The following SLC12A2 variants were observed in gnomAD, a reference collection of about 807,000 sequenced individuals.
The protein encoded by SLC12A2 is Na-K-2Cl cotransporter 1.
In SLC12A2, 67 loss-of-function variants were observed where a neutral mutation model predicts 136.3. That is an observed-to-expected ratio of 0.49 (90% CI 0.40 to 0.60). The LOEUF is 0.60. Ranked by LOEUF, SLC12A2 falls within the 20% of genes least tolerant of loss-of-function variation. The pLI is 0.00. For missense variants in SLC12A2, 1,322 were observed against 1,534.7 expected (o/e 0.86, Z 2.32); for synonymous variants, 619 against 562.9 (o/e 1.10, Z -1.41).
chr5:128,164,653 G>T (rs1763145493), intron 17 of SLC12A2, among the ~76,000 whole-genome samples: 1 of 152,016 alleles, frequency 6.6e-6, no homozygotes, highest in Non-Finnish European at 1.5e-5. Context: ...AAAGAATTTT[G>T]TACATTAATT....
At chr5:128,088,546 G>GA (rs1420854892) in intron 1 of SLC12A2, among the ~76,000 whole-genome samples, 2 of 147,316 alleles carry the variant, frequency 1.4e-5, no homozygotes, top group African/African-American at 2.4e-5. Context: ...GTAGTTTTTT[G>GA]TTTTTGTTTG....
chr5:128,145,901 A>G (rs1226943240), intron 10 of SLC12A2, among the ~76,000 whole-genome samples: 2 of 152,044 alleles, frequency 1.3e-5, no homozygotes, highest in Non-Finnish European at 2.9e-5. Context: ...ATCTCCACCA[A>G]TGAAGCAGAG....
chr5:128,120,938 C>T (rs908654446), intron 4 of SLC12A2, among the ~76,000 whole-genome samples: 1 of 152,050 alleles, frequency 6.6e-6, no homozygotes, highest in African/African-American at 2.4e-5. Flanking sequence ...TGATTCTTAA[C>T]TGAATTATAA....
intron 9 of SLC12A2, among the ~76,000 whole-genome samples, chr5:128,139,549 A>G (rs1762293894): frequency 6.6e-6 from 1 of 152,214 alleles, no homozygotes; most frequent in Non-Finnish European, 1.5e-5. Context: ...AGATGAGAGG[A>G]TAGAAGTTCC....
intron 26 of SLC12A2, among the ~76,000 whole-genome samples, chr5:128,185,744 G>A (rs951618553): frequency 6.6e-6 from 1 of 152,092 alleles, no homozygotes; most frequent in Non-Finnish European, 1.5e-5. Context: ...TCACCTAAAA[G>A]AATTCTATTC....
intron 4 of SLC12A2, among the ~76,000 whole-genome samples, chr5:128,124,623 C>T (rs764553400): frequency 1.2e-4 from 19 of 152,166 alleles, no homozygotes; most frequent in Non-Finnish European, 2.4e-4. Context: ...CTCCAAGTGC[C>T]ATCCTCCTGG....
chr5:128,099,733 G>A (rs989535887), intron 1 of SLC12A2, among the ~76,000 whole-genome samples: 1 of 152,022 alleles, frequency 6.6e-6, no homozygotes, highest in Non-Finnish European at 1.5e-5. Flanking sequence ...TAAAAAGGAA[G>A]ACACAAGCAC....
chr5:128,169,876 G>C (rs1763316475), intron 18 of SLC12A2: 1 of 152,188 alleles, frequency 6.6e-6, no homozygotes, highest in African/African-American at 2.4e-5. Context: ...AGGGATTAAA[G>C]TGAGTGAGTG....
At chr5:128,115,151 G>A (rs1000487180) in intron 4 of SLC12A2, among the ~76,000 whole-genome samples, 1 of 152,142 alleles carries the variant, frequency 6.6e-6, no homozygotes, top group African/African-American at 2.4e-5. Context: ...TTTGGAGATG[G>A]AGTCTCACTC....
At position 128,114,236 on chromosome 5, in the gene SLC12A2, G is replaced by T. The variant is rs1239554713; in HGVS notation, c.901G>T (p.Gly301Cys). The T allele has an allele frequency of 6.2e-7, 1 of 1,613,326 alleles. No individual in the cohort carries two copies. The highest frequency in any genetic ancestry group is 1.7e-5 in the Admixed American group (1 of 59,978). The change falls in exon 3 of 27, where the codon GGT becomes TGT. Residue 301 changes from glycine to cysteine, a missense_variant. Coordinates refer to ENST00000262461, the MANE Select transcript of SLC12A2 (RefSeq NM_001046.3). The part of the protein sequence containing the change: ...VLVRCMLNIW[G>C]VMLFIRLSWI... ...GGTACGTTGTATGTTAAACATTTGG[G>T]GTGTGATGCTTTTCATTAGATTGTC...
At chr5:128,160,381 A>G (rs924549457) in intron 16 of SLC12A2, among the ~76,000 whole-genome samples, 1 of 152,120 alleles carries the variant, frequency 6.6e-6, no homozygotes, top group Admixed American at 6.6e-5. Context: ...CAGAACTTAA[A>G]GTTTTATATA....
In SLC12A2 at chr5:128,084,239, TGCGGCGGCGGCG is replaced by T. The variant is rs746633185; in HGVS notation, c.297_308del (p.Ala104_Ala107del). On this transcript the variant is annotated inframe_deletion, in exon 1 of 27. Transcript: ENST00000262461. The surrounding 1 kb of genome is among the most constrained non-coding windows in gnomAD (Gnocchi z 5.6). Reference sequence around the variant, plus strand: ...CCGAGAACGCCGGGCGGGCCGCTGCTGCGGCGGCGGCGGCGGCGGCGGCAGCGGCGGCGGCTG... The same window carrying T: ...CCGAGAACGCCGGGCGGGCCGCTGCTGCGGCGGCGGCAGCGGCGGCGGCTG... 7.4e-5 allele frequency: 95 copies of T among 1,279,594 alleles called. 3 individuals carry two copies. The highest frequency in any genetic ancestry group is 9.4e-5 in the African/African-American group (6 of 64,050). 79.3% of individuals were successfully genotyped at this position (1,279,594 alleles called of 1,614,324 possible). A position where few individuals can be genotyped will look rare whatever the true frequency, so the allele number is the denominator to read the frequency against.
chr5:128,124,813 A>T (rs1198605695), intron 4 of SLC12A2, among the ~76,000 whole-genome samples: 1 of 152,148 alleles, frequency 6.6e-6, no homozygotes, highest in Non-Finnish European at 1.5e-5. Context: ...GGGGTATTGA[A>T]AGTGCTAACC....
intron 21 of SLC12A2, 98 bp downstream of exon 21, chr5:128,177,250 C>G: frequency 1.2e-6 from 1 of 833,984 alleles, no homozygotes; most frequent in Non-Finnish European, 1.9e-6. Flanking sequence ...GTTTTTATTT[C>G]CATGGTGAGG....
chr5:128,162,457 A>C (rs931320175), intron 17 of SLC12A2, among the ~76,000 whole-genome samples: 2 of 152,112 alleles, frequency 1.3e-5, no homozygotes, highest in Non-Finnish European at 2.9e-5. Flanking sequence ...TAAATACCTA[A>C]ATTTAAAAGG....
intron 1 of SLC12A2, among the ~76,000 whole-genome samples, chr5:128,104,091 C>G (rs1274969188): frequency 6.6e-6 from 1 of 152,106 alleles, no homozygotes; most frequent in South Asian, 2.1e-4. Flanking sequence ...TACGGAAACC[C>G]AGGGGTCTAG....
chr5:128,101,487 G>A (rs1257115817), intron 1 of SLC12A2, among the ~76,000 whole-genome samples: 3 of 151,956 alleles, frequency 2.0e-5, no homozygotes, highest in Non-Finnish European at 1.5e-5. Context: ...ATTTTTAGGT[G>A]GACTTTAACA....
At chr5:128,184,985 C>A in intron 26 of SLC12A2, 129 bp downstream of exon 26, 2 of 754,130 alleles carry the variant, frequency 2.7e-6, no homozygotes, top group Non-Finnish European at 4.3e-6. Context: ...AAAAAACAAA[C>A]TTGTAAAAAT....
At chr5:128,110,854 T>A in intron 1 of SLC12A2, 1 of 1,434,160 alleles carries the variant, frequency 7.0e-7, no homozygotes. Flanking sequence ...ATTCTGTTAT[T>A]ATTTCAAACT....
Sources: allele counts gnomAD v4.1 joint callset (sites outside exome capture counted in the v4.1 genomes callset), GRCh38; gene constraint gnomAD v4.1.1; non-coding constraint Gnocchi (gnomAD v3.1); transcripts MANE v1.5; gene names NCBI Gene and HGNC (gene_info 2026-07-23, HGNC 2026-07-21).